ASH1L: variants seen among roughly 807,000 people sequenced by gnomAD.
ASH1L encodes histone-lysine N-methyltransferase ASH1L.
A neutral mutation model predicts 269.0 loss-of-function variants in ASH1L; 23 were observed. The observed-to-expected ratio is 0.09, with a 90% CI of 0.06 to 0.12. The LOEUF (loss-of-function observed/expected upper bound fraction) is 0.12, where lower values mean the gene tolerates loss of function less well. Ranked by LOEUF, ASH1L falls within the 10% of genes least tolerant of loss-of-function variation. The pLI is 1.00. For synonymous variants in ASH1L, 1,187 were observed against 1,253.5 expected, an observed-to-expected ratio of 0.95 and a Z score of 1.12; for missense variants, 2,912 against 3,567.8, an observed-to-expected ratio of 0.82 and a Z score of 4.68.
rs1035384783 is a variant in ASH1L, at chr1:155,478,286, A to G, written c.4584T>C (p.Tyr1528=). ...GACAACGGTGCTTTTCCTTATGCTT[A>G]TATCGCTCTCCAACAGCATCCTTTC... The part of the protein sequence containing the change: ...RFGKDAVGER[Y]KHKEKHRCHM... Residue 1528 remains tyrosine, a synonymous_variant, in exon 3 of 28, where the codon TAT becomes TAC. Transcript: ENST00000392403. The surrounding 1 kb of genome is among the most constrained non-coding windows in gnomAD (Gnocchi z 4.6). The G allele has an allele frequency of 5.0e-6, 8 of 1,614,030 alleles. No individual in the cohort carries two copies. Among genetic ancestry groups the G allele is most frequent in the South Asian group, 2.2e-5 (2 of 91,082 alleles).
chr1:155,344,239 T>G lies in ASH1L; in HGVS notation c.7925A>C (p.Gln2642Pro), dbSNP rs749932376. ...ACAGATGAAGTAGACACAGCCAGGT[T>G]GGGCATAGTGGGGCCGAGGGATCAT... ...VPMIPRPHYA[Q>P]PGCVYFICLL... The change falls in exon 22 of 28, where the codon CAA becomes CCA. Residue 2642 changes from glutamine to proline, a missense_variant. By Grantham distance (76) the Gln-to-Pro change is moderately conservative. Coordinates refer to ENST00000392403, the MANE Select transcript of ASH1L (RefSeq NM_018489.3). 5.0e-6 allele frequency: 8 copies of G among 1,614,172 alleles called. No homozygotes were observed. The South Asian group carries it at 8.8e-5, about 18-fold the overall frequency.
At chr1:155,357,504 C>G in intron 14 of ASH1L, 81 bp downstream of exon 14, 1 of 1,597,708 alleles carries the variant, frequency 6.3e-7, no homozygotes, top group Non-Finnish European at 8.6e-7. Context: ...ATGCCACCCT[C>G]TGGTAATTCC....
At chr1:155,551,035 G>A (rs904179907) in intron 1 of ASH1L, among the ~76,000 whole-genome samples, 1 of 151,938 alleles carries the variant, frequency 6.6e-6, no homozygotes, top group African/African-American at 2.4e-5. Flanking sequence ...TTGCCCAGGC[G>A]GTCTGGAACT....
chr1:155,438,761 A>T lies in ASH1L; in HGVS notation c.5394T>A (p.Ser1798Arg), dbSNP rs781501540. 6.2e-7 allele frequency: 1 copy of T among 1,614,028 alleles called. No individual in the cohort carries two copies. Among genetic ancestry groups the T allele is most frequent in the Non-Finnish European group, 8.5e-7 (1 of 1,180,024 alleles). Residue 1798 changes from serine to arginine, a missense_variant, in exon 5 of 28, where the codon AGT (serine) becomes AGA (arginine). Transcript: ENST00000392403. ...CTTGGCGTTGCATAGCTTCCACTAC[A>T]CTTCTCTTGATATGATGGGGGGAAC... ...SSCSPHHIKR[S>R]VVEAMQRQAR...
chr1:155,378,029 AAAAC>A (rs1656614499), intron 10 of ASH1L, among the ~76,000 whole-genome samples: 1 of 151,920 alleles, frequency 6.6e-6, no homozygotes, highest in Non-Finnish European at 1.5e-5. Flanking sequence ...TCTCAAAAAA[AAAAC>A]AAAACAAAAC....
chr1:155,425,299 A>G (rs1389371748), intron 5 of ASH1L, among the ~76,000 whole-genome samples: 2 of 129,408 alleles, frequency 1.5e-5, no homozygotes, highest in Non-Finnish European at 3.3e-5. Context: ...TTTTTTTGAG[A>G]CAGAGTCTTC....
intron 1 of ASH1L, among the ~76,000 whole-genome samples, chr1:155,557,258 TTTTA>T (rs755346074): frequency 1.3e-5 from 2 of 151,982 alleles, no homozygotes; most frequent in Non-Finnish European, 1.5e-5. Flanking sequence ...GAAGTCATTA[TTTTA>T]TTTATTTATT....
At chr1:155,521,900 G>A (rs988922026) in intron 1 of ASH1L, among the ~76,000 whole-genome samples, 15 of 152,110 alleles carry the variant, frequency 9.9e-5, no homozygotes, top group Non-Finnish European at 2.2e-4. Flanking sequence ...TTACAGTCAA[G>A]CAAACATTGC....
intron 6 of ASH1L, among the ~76,000 whole-genome samples, chr1:155,401,056 G>C (rs1658797459): frequency 6.6e-6 from 1 of 152,238 alleles, no homozygotes; most frequent in East Asian, 1.9e-4. Context: ...AGCTGCTCAT[G>C]AGGCTGAGGC....
At chr1:155,342,970 A>G (rs1319325709) in intron 24 of ASH1L, 1 of 181,946 alleles carries the variant, frequency 5.5e-6, no homozygotes, top group Non-Finnish European at 1.2e-5. Context: ...TACAGGCAAC[A>G]AGAATGGGGT....
chr1:155,497,910 T>C (rs1035562881), intron 2 of ASH1L, among the ~76,000 whole-genome samples: 1 of 151,966 alleles, frequency 6.6e-6, no homozygotes, highest in African/African-American at 2.4e-5. Flanking sequence ...CCACCAGGCA[T>C]GGCTAATTTT....
At chr1:155,545,784 G>A (rs916347507) in intron 1 of ASH1L, among the ~76,000 whole-genome samples, 3 of 152,250 alleles carry the variant, frequency 2.0e-5, no homozygotes, top group East Asian at 1.9e-4. Context: ...ACTTTGGGAG[G>A]CTGAGGCAGG....
At chr1:155,365,065 C>A (rs2148398524) in intron 12 of ASH1L, among the ~76,000 whole-genome samples, 1 of 152,228 alleles carries the variant, frequency 6.6e-6, no homozygotes, top group Non-Finnish European at 1.5e-5. Context: ...TGTGCGAGAT[C>A]CAAGAACCCT....
chr1:155,498,078 AC>A (rs1184538146), intron 2 of ASH1L, among the ~76,000 whole-genome samples: 2 of 152,126 alleles, frequency 1.3e-5, no homozygotes, highest in Non-Finnish European at 2.9e-5. Context: ...GAATGCTAAA[AC>A]ATGGATAAAC....
intron 1 of ASH1L, 110 bp from the exon 2 acceptor site, chr1:155,521,728 T>C (rs1668900383): frequency 2.2e-6 from 1 of 460,426 alleles, no homozygotes; most frequent in South Asian, 6.0e-5. Flanking sequence ...CAAAAAAAAA[T>C]CACAGTTAGA....
chr1:155,341,787 A>C (rs1652845179), intron 25 of ASH1L, 149 bp downstream of exon 25: 1 of 796,418 alleles, frequency 1.3e-6, no homozygotes, highest in South Asian at 1.7e-5. Context: ...ATGCTGTTCA[A>C]ATGTCCCAAA....
intron 26 of ASH1L, 98 bp downstream of exon 26, chr1:155,339,230 C>A (rs769388354): frequency 1.4e-5 from 16 of 1,105,888 alleles, no homozygotes; most frequent in Non-Finnish European, 1.9e-5. Context: ...AATACCCAGT[C>A]CTAGAAGTGG....
At chr1:155,419,884 C>A (rs894590825) in intron 5 of ASH1L, among the ~76,000 whole-genome samples, 5 of 152,112 alleles carry the variant, frequency 3.3e-5, no homozygotes, top group African/African-American at 1.2e-4. Flanking sequence ...TATAAAAACA[C>A]CCAAAGACTC....
chr1:155,351,492 G>T (rs1653923570), intron 17 of ASH1L, among the ~76,000 whole-genome samples: 1 of 151,966 alleles, frequency 6.6e-6, no homozygotes, highest in East Asian at 1.9e-4. Context: ...GGCGGAGGAT[G>T]TGGTGAGCCA....
Sources: allele counts gnomAD v4.1 joint callset (sites outside exome capture counted in the v4.1 genomes callset), GRCh38; gene constraint gnomAD v4.1.1; non-coding constraint Gnocchi (gnomAD v3.1); transcripts MANE v1.5; gene names NCBI Gene and HGNC (gene_info 2026-07-23, HGNC 2026-07-21).